MTF1: variants seen among roughly 807,000 people sequenced by gnomAD.
The protein encoded by MTF1 is MRE-binding transcription factor.
MTF1 carries 22 observed loss-of-function variants against 70.4 expected under a neutral mutation model. The observed-to-expected ratio is 0.31, with a 90% CI of 0.22 to 0.45. The LOEUF (loss-of-function observed/expected upper bound fraction) is 0.45. Among genes scored for constraint, MTF1 ranks in the 20% least tolerant of loss-of-function variants. The pLI is 1.00. For missense variants in MTF1, 649 were observed against 922.0 expected (o/e 0.70, Z 3.83); for synonymous variants, 333 against 352.8 (o/e 0.94, Z 0.63).
At chr1:37,853,113 G>A (rs1422709126) in intron 2 of MTF1, among the ~76,000 whole-genome samples, 2 of 152,184 alleles carry the variant, frequency 1.3e-5, no homozygotes, top group Non-Finnish European at 2.9e-5. Flanking sequence ...AACTAGGCAA[G>A]AAGTCTCCAG....
chr1:37,833,502 T>C (rs148601876), intron 6 of MTF1, among the ~76,000 whole-genome samples: 83 of 152,326 alleles, frequency 5.4e-4, no homozygotes, highest in African/African-American at 2.0e-3. Context: ...GTAGCCCTGC[T>C]TACCTCAGAT....
chr1:37,838,802 T>TG lies in MTF1; in HGVS notation c.648-47_648-46insC, dbSNP rs1641211079. The TG allele has an allele frequency of 1.1e-5, 13 of 1,148,988 alleles. No homozygotes were observed. The African/African-American group carries it at 1.7e-4, about 15-fold the overall frequency. 71.2% of individuals were successfully genotyped at this position (1,148,988 alleles called of 1,614,324 possible). On this transcript the variant is annotated intron_variant, in intron 3 of 10. Transcript: ENST00000373036. ...ATTCCCTTTGTCATAAAATTCTTTTTTTTTTTTTTTTTTTTTTCTGAGACA... is the reference window on the plus strand; with the variant it reads ...ATTCCCTTTGTCATAAAATTCTTTTTGTTTTTTTTTTTTTTTTTCTGAGACA...
chr1:37,842,605 A>T (rs558707216), intron 2 of MTF1, among the ~76,000 whole-genome samples: 1 of 152,204 alleles, frequency 6.6e-6, no homozygotes, highest in Non-Finnish European at 1.5e-5. Context: ...GTGTAGGTGT[A>T]GGGATTCCCA....
rs1452363125 is a variant in MTF1 at position 37,835,156 on chromosome 1, T to C, written c.913A>G (p.Ser305Gly). 6.2e-7 allele frequency: 1 copy of C among 1,613,504 alleles called. No individual in the cohort carries two copies. Among genetic ancestry groups the C allele is most frequent in the African/African-American group, 1.3e-5 (1 of 74,914 alleles). ...TGACCTTTCATGTGACTTTTGAGAC[T>C]GTATTGAGTGCTGAATGTTTTCTCA... Reference protein sequence around the residue: ...GCEKTFSTQYSLKSHMKGHDN... With the variant: ...GCEKTFSTQYGLKSHMKGHDN... The change falls in exon 6 of 11, where the codon AGT becomes GGT. Residue 305 changes from serine to glycine, a missense_variant. Around this residue, in one of 7 missense-constraint regions of MTF1, gnomAD observed 118 missense variants for 287.2 expected, o/e 0.41. Coordinates refer to ENST00000373036, the MANE Select transcript of MTF1 (RefSeq NM_005955.3).
intron 2 of MTF1, among the ~76,000 whole-genome samples, chr1:37,855,816 G>A (rs922034282): frequency 6.6e-6 from 1 of 152,012 alleles, no homozygotes; most frequent in Non-Finnish European, 1.5e-5. Context: ...AAATTAGCTG[G>A]GCATGGTGGT....
At chr1:37,846,383 A>C (rs1364505565) in intron 2 of MTF1, among the ~76,000 whole-genome samples, 2 of 144,842 alleles carry the variant, frequency 1.4e-5, no homozygotes, top group Non-Finnish European at 3.0e-5. Flanking sequence ...ATGGAGTGAG[A>C]CCCCATTTAA....
intron 2 of MTF1, among the ~76,000 whole-genome samples, chr1:37,855,619 A>C (rs1424839195): frequency 6.6e-6 from 1 of 152,194 alleles, no homozygotes; most frequent in Non-Finnish European, 1.5e-5. Flanking sequence ...AGTCCTTGGT[A>C]CTGTAACTAC....
intron 8 of MTF1, 75 bp downstream of exon 8, chr1:37,823,635 A>G: frequency 1.7e-6 from 2 of 1,143,810 alleles, no homozygotes; most frequent in Admixed American, 3.7e-5. Context: ...CGCTAACTAG[A>G]ATGATTCATT....
At chr1:37,836,001 C>G (rs1038280582) in intron 4 of MTF1, among the ~76,000 whole-genome samples, 1 of 152,106 alleles carries the variant, frequency 6.6e-6, no homozygotes, top group South Asian at 2.1e-4. Context: ...AAGGTTTCAC[C>G]ATGTTAGCCA....
At position 37,829,268 on chromosome 1, in the gene MTF1, C is replaced by A. The variant is rs548560460; in HGVS notation, c.1068+2977G>T. 2.6e-4 allele frequency among the ~76,000 whole-genome samples: 40 copies of A among 152,002 alleles called. 1 individual carries two copies. Among genetic ancestry groups the A allele is most frequent in the Admixed American group, 2.6e-3 (40 of 15,266 alleles). On this transcript the variant is annotated intron_variant, in intron 7 of 10. Transcript: ENST00000373036. ...AACACCAGCTAATATTTTATTTTTA[C>A]TAGAGATGAGGTCTCTATTAAAAAA...
At chr1:37,839,876 A>C in intron 3 of MTF1, 44 bp downstream of exon 3, 1 of 1,484,988 alleles carries the variant, frequency 6.7e-7, no homozygotes, top group East Asian at 2.3e-5. Flanking sequence ...CATCACAACA[A>C]GGTCAAGGTC....
At chr1:37,839,445 T>G (rs1049046403) in intron 3 of MTF1, among the ~76,000 whole-genome samples, 23 of 152,226 alleles carry the variant, frequency 1.5e-4, no homozygotes, top group African/African-American at 5.5e-4. Context: ...TTTCTATTAC[T>G]TTATACTCAA....
Position 37,823,728 on chromosome 1 carries a change from C to T in MTF1, c.1153G>A (p.Glu385Lys), listed in dbSNP as rs185711329. ...GACAAACCTGTCTGTTGAGGATCTT[C>T]CTGAATTGCCGTATCATCTGAATTC... ...FQNSDDTAIQ[E>K]DPQQTASLTE... is the part of the protein sequence containing the mutation. Residue 385 changes from glutamate (E) to lysine (K), a missense_variant, in exon 8 of 11, where the codon GAA becomes AAA. Transcript: ENST00000373036. The T allele has an allele frequency of 8.4e-4, 1,350 of 1,613,716 alleles. 1 individual carries two copies. Among genetic ancestry groups the T allele is most frequent in the Admixed American group, 1.2e-3 (70 of 60,014 alleles).
chr1:37,816,318 CTT>C (rs1238111181), intron 10 of MTF1, among the ~76,000 whole-genome samples: 3 of 152,118 alleles, frequency 2.0e-5, no homozygotes, highest in African/African-American at 7.2e-5. Context: ...GGAGGATTCT[CTT>C]GAGCCCAGGT....
At position 37,810,984 on chromosome 1, in the gene MTF1, CTT is replaced by C; in HGVS notation, c.*4150_*4151del. The C allele has an allele frequency of 6.5e-6, 1 of 152,700 alleles. No homozygotes were observed. Among genetic ancestry groups the C allele is most frequent in the South Asian group, 2.1e-4 (1 of 4,826 alleles). 9.5% of individuals were successfully genotyped at this position (152,700 alleles called of 1,614,324 possible). On this transcript the variant is annotated 3_prime_UTR_variant, in exon 11 of 11. Coordinates refer to ENST00000373036, the MANE Select transcript of MTF1 (RefSeq NM_005955.3). ...TGGTGGTGTAAGACAATTGTAAACT[CTT>C]GAGAAATATTGTTGCAGTTCCACAA...
In MTF1 at chr1:37,812,329, G is replaced by A. The variant is rs1157720024; in HGVS notation, c.*2807C>T. 1 of 152,216 alleles carries A rather than the reference G, an allele frequency of 6.6e-6. No homozygotes were observed. The highest frequency in any genetic ancestry group is 1.5e-5 in the Non-Finnish European group (1 of 68,052). The allele number at this position is 152,216 out of a possible 1,614,324, so 9.4% of individuals were successfully genotyped here. On this transcript the variant is annotated 3_prime_UTR_variant, in exon 11 of 11. Transcript: ENST00000373036. ...AAGGACAGGTAGGAAAAGAGAACTG[G>A]AAAAGGAGGGAAAGAAAGACTGCCT... is the stretch of plus-strand genomic sequence containing the variant.
chr1:37,845,379 G>C (rs1242178933), intron 2 of MTF1, among the ~76,000 whole-genome samples: 1 of 152,144 alleles, frequency 6.6e-6, no homozygotes, highest in Non-Finnish European at 1.5e-5. Flanking sequence ...GTGAGAAAGT[G>C]AGACAATGAA....
intron 8 of MTF1, 138 bp from the exon 9 acceptor site, chr1:37,822,854 T>C: frequency 3.2e-6 from 2 of 624,588 alleles, no homozygotes; most frequent in Non-Finnish European, 5.5e-6. Context: ...GCCAGCTTTC[T>C]GTCATTTTCA....
intron 2 of MTF1, among the ~76,000 whole-genome samples, chr1:37,849,252 C>A (rs1003336581): frequency 6.6e-6 from 1 of 151,922 alleles, no homozygotes; most frequent in African/African-American, 2.4e-5. Context: ...ATGGTGAAAC[C>A]CCATCTCTAC....
Sources: gnomAD v4.1 joint callset for allele counts (sites outside exome capture counted in the v4.1 genomes callset) on GRCh38, gnomAD v4.1.1 for gene constraint, gnomAD v4.1.1 regional missense constraint, MANE v1.5 for transcripts, NCBI Gene and HGNC (gene_info 2026-07-23, HGNC 2026-07-21) for gene names.